The following MAN2A1 variants were observed in gnomAD, a reference collection of about 807,000 sequenced individuals.
The protein encoded by MAN2A1 is alpha-mannosidase 2.
A neutral mutation model predicts 142.6 loss-of-function variants in MAN2A1; 76 were observed. The ratio of observed to expected loss-of-function variants is 0.53; its 90% CI spans 0.44 to 0.65. The LOEUF (loss-of-function observed/expected upper bound fraction) is 0.65. Ranked by LOEUF, MAN2A1 falls within the 30% of genes least tolerant of loss-of-function variation. The probability of loss-of-function intolerance (pLI) is 0.00; values close to 1 mark genes in which losing one functional copy is unlikely to be tolerated. For synonymous variants in MAN2A1, 559 were observed against 473.2 expected, an observed-to-expected ratio of 1.18 and a Z score of -2.35; for missense variants, 1,311 against 1,365.1, an observed-to-expected ratio of 0.96 and a Z score of 0.62.
rs1171890959 is a variant in MAN2A1 at position 109,824,953 on chromosome 5, A to G, written c.2566+1116A>G. Among the ~76,000 whole-genome samples the G allele has an allele frequency of 6.5e-4, 99 of 152,218 alleles. 1 individual carries two copies. Among genetic ancestry groups the G allele is most frequent in the Non-Finnish European group, 1.5e-4 (10 of 68,042 alleles). On this transcript the variant is annotated intron_variant, in intron 16 of 21. Transcript: ENST00000261483. ...GTAATAATATGATAGGTTTTTCAGA[A>G]TAACCCATGATTCATAGGATGAATC...
chr5:109,800,199 T>G (rs1753983419), intron 12 of MAN2A1, among the ~76,000 whole-genome samples: 1 of 152,146 alleles, frequency 6.6e-6, no homozygotes, highest in Non-Finnish European at 1.5e-5. Context: ...AAATTTCTGA[T>G]TGTCTTTTAG....
At chr5:109,799,346 C>G (rs1003797488) in intron 12 of MAN2A1, among the ~76,000 whole-genome samples, 1 of 152,102 alleles carries the variant, frequency 6.6e-6, no homozygotes, top group Non-Finnish European at 1.5e-5. Flanking sequence ...ACTATGTGCT[C>G]CAGCCCCACA....
intron 4 of MAN2A1, among the ~76,000 whole-genome samples, chr5:109,750,843 T>C (rs1221993459): frequency 6.6e-6 from 1 of 152,106 alleles, no homozygotes; most frequent in Non-Finnish European, 1.5e-5. Flanking sequence ...ATTGTATTTT[T>C]ATATTTTTAA....
At chr5:109,860,715 A>C (rs145132345) in intron 20 of MAN2A1, among the ~76,000 whole-genome samples, 37 of 152,326 alleles carry the variant, frequency 2.4e-4, no homozygotes, top group African/African-American at 7.0e-4. Flanking sequence ...TCCTTAAAAG[A>C]GACTGTCATG....
At position 109,713,646 on chromosome 5, in the gene MAN2A1, A is replaced by G. The variant is rs769472193; in HGVS notation, c.262A>G (p.Lys88Glu). The change falls in exon 2 of 22, where the codon AAA becomes GAA. Residue 88 changes from lysine (K) to glutamate (E), a missense_variant. Around this residue, in one of 3 missense-constraint regions of MAN2A1, gnomAD observed 409 missense variants for 412.7 expected, o/e 0.99. Transcript: ENST00000261483. ...NLSESVEDGPKSSQSNFSQGA... is the reference protein window; with the variant it reads ...NLSESVEDGPESSQSNFSQGA... ...GAGTGAGTCTGTGGAGGATGGTCCG[A>G]AAAGTTCACAAAGCAATTTCAGCCA... 1 of 1,614,210 alleles carries G rather than the reference A, an allele frequency of 6.2e-7. No homozygotes were observed. The highest frequency in any genetic ancestry group is 1.1e-5 in the South Asian group (1 of 91,090).
chr5:109,809,262 A>G (rs1754256160), intron 12 of MAN2A1, among the ~76,000 whole-genome samples: 3 of 152,232 alleles, frequency 2.0e-5, no homozygotes, highest in East Asian at 1.9e-4. Context: ...AAAAGCATAG[A>G]TGACTTATTA....
intron 3 of MAN2A1, among the ~76,000 whole-genome samples, chr5:109,727,408 G>C (rs1393773730): frequency 2.0e-5 from 3 of 151,996 alleles, no homozygotes; most frequent in Non-Finnish European, 2.9e-5. Flanking sequence ...TGTAGGATTA[G>C]GGCGTATCTT....
chr5:109,853,841 CTT>C (rs565436272), intron 19 of MAN2A1: 141 of 152,186 alleles, frequency 9.3e-4, no homozygotes, highest in African/African-American at 3.2e-3. Context: ...TTTATTTAAT[CTT>C]TCTTTTAATA....
At chr5:109,858,579 T>C (rs543158935) in intron 20 of MAN2A1, among the ~76,000 whole-genome samples, 63 of 152,344 alleles carry the variant, frequency 4.1e-4, no homozygotes, top group Non-Finnish European at 7.4e-4. Context: ...AACTCATTTT[T>C]CCCCTTGAAA....
chr5:109,787,394 A>G (rs990885377), intron 10 of MAN2A1, among the ~76,000 whole-genome samples: 13 of 152,012 alleles, frequency 8.6e-5, no homozygotes, highest in African/African-American at 3.1e-4. Context: ...TTCCGTATTA[A>G]TAGGATAAGT....
At chr5:109,760,370 A>T (rs1451433061) in intron 5 of MAN2A1, among the ~76,000 whole-genome samples, 1 of 151,924 alleles carries the variant, frequency 6.6e-6, no homozygotes, top group Non-Finnish European at 1.5e-5. Context: ...TATTTTCTTT[A>T]TCCAGTTTAT....
At chr5:109,767,776 A>C in intron 6 of MAN2A1, 68 bp downstream of exon 6, 1 of 1,322,856 alleles carries the variant, frequency 7.6e-7, no homozygotes, top group Non-Finnish European at 1.0e-6. Flanking sequence ...TTATGAACTC[A>C]TGCCACTGTG....
At chr5:109,719,721 A>G (rs1751551108) in intron 3 of MAN2A1, among the ~76,000 whole-genome samples, 1 of 152,206 alleles carries the variant, frequency 6.6e-6, no homozygotes, top group Non-Finnish European at 1.5e-5. Context: ...TTAGTTCCCC[A>G]ACTTTGTGAA....
intron 4 of MAN2A1, among the ~76,000 whole-genome samples, chr5:109,752,252 C>A (rs1752566825): frequency 6.6e-6 from 1 of 152,076 alleles, no homozygotes; most frequent in Non-Finnish European, 1.5e-5. Flanking sequence ...CATCTCATAC[C>A]TAGATAATTG....
At chr5:109,694,935 G>T (rs1045298719) in intron 1 of MAN2A1, among the ~76,000 whole-genome samples, 1 of 152,146 alleles carries the variant, frequency 6.6e-6, no homozygotes, top group Non-Finnish European at 1.5e-5. Flanking sequence ...GTTTGTTCAC[G>T]TTTGTATGAG....
At chr5:109,860,690 A>G (rs1209373775) in intron 20 of MAN2A1, among the ~76,000 whole-genome samples, 1 of 152,308 alleles carries the variant, frequency 6.6e-6, no homozygotes, top group Non-Finnish European at 1.5e-5. Flanking sequence ...GTAGAGGACT[A>G]TTCACCTGCT....
intron 4 of MAN2A1, among the ~76,000 whole-genome samples, chr5:109,754,314 A>T (rs1002635499): frequency 6.6e-6 from 1 of 152,070 alleles, no homozygotes; most frequent in Non-Finnish European, 1.5e-5. Context: ...TTCTCAAAAC[A>T]ATTTTATTAG....
intron 3 of MAN2A1, among the ~76,000 whole-genome samples, chr5:109,717,039 A>G (rs548482862): frequency 6.6e-6 from 1 of 151,676 alleles, no homozygotes; most frequent in East Asian, 1.9e-4. Flanking sequence ...TTGAGTACCC[A>G]GTCACAGATA....
chr5:109,729,092 A>G (rs1194273074), intron 3 of MAN2A1, among the ~76,000 whole-genome samples: 7 of 152,102 alleles, frequency 4.6e-5, no homozygotes, highest in Non-Finnish European at 7.4e-5. Flanking sequence ...TAGGTCATCT[A>G]TCTTATTTTT....
Sources: allele counts gnomAD v4.1 joint callset (sites outside exome capture counted in the v4.1 genomes callset), GRCh38; gene constraint gnomAD v4.1.1; regional missense constraint gnomAD v4.1.1; transcripts MANE v1.5; gene names NCBI Gene and HGNC (gene_info 2026-07-23, HGNC 2026-07-21).